FRAS1: variants seen among roughly 807,000 people sequenced by gnomAD.
The protein encoded by FRAS1 is Fraser extracellular matrix complex subunit 1.
A neutral mutation model predicts 435.2 loss-of-function variants in FRAS1; 290 were observed. The observed-to-expected ratio is 0.67, with a 90% confidence interval of 0.61 to 0.73. The LOEUF is 0.73. Ranked by LOEUF, FRAS1 falls within the 30% of genes least tolerant of loss-of-function variation. The pLI is 0.00. For missense variants in FRAS1, 4,860 were observed against 5,001.5 expected (o/e 0.97, Z 0.85); for synonymous variants, 1,800 against 1,851.0 (o/e 0.97, Z 0.71).
chr4:78,519,839 A>T (rs1372211437), intron 67 of FRAS1, among the ~76,000 whole-genome samples: 1 of 152,196 alleles, frequency 6.6e-6, no homozygotes, highest in African/African-American at 2.4e-5. Context: ...TTTACAGAGC[A>T]AAAGGATCTT....
At chr4:78,430,599 C>T (rs1057165620) in intron 37 of FRAS1, among the ~76,000 whole-genome samples, 182 bp downstream of exon 37, 2 of 152,076 alleles carry the variant, frequency 1.3e-5, no homozygotes, top group Non-Finnish European at 2.9e-5. Flanking sequence ...CACTTCCATC[C>T]CTGCCCCACA....
chr4:78,432,481 G>T lies in FRAS1; in HGVS notation c.5094G>T (p.Glu1698Asp), dbSNP rs1734255162. 2 of 1,613,364 alleles carry T rather than the reference G, an allele frequency of 1.2e-6. No homozygotes were observed. Among genetic ancestry groups the T allele is most frequent in the Non-Finnish European group, 1.7e-6 (2 of 1,179,622 alleles). The change falls in exon 38 of 74, where the codon GAG (glutamate) becomes GAT (aspartate). Residue 1698 changes from glutamate to aspartate, a missense_variant. Transcript: ENST00000512123. ...VTDGLTVTMLEVRVEVSLSED... is the reference protein window; with the variant it reads ...VTDGLTVTMLDVRVEVSLSED... ...ATGGCCTCACAGTGACAATGCTGGA[G>T]GTGAGAGTAGAGGTGTCCCTGTCAG...
chr4:78,293,869 C>T (rs904538905), intron 14 of FRAS1, among the ~76,000 whole-genome samples: 1 of 152,204 alleles, frequency 6.6e-6, no homozygotes, highest in Non-Finnish European at 1.5e-5. Flanking sequence ...CACTTCTAGA[C>T]CCTTGCTGTG....
At chr4:78,161,742 C>CAAAAAAAAAAAAAAAAAAAAAAAAA (rs71214399) in intron 2 of FRAS1, among the ~76,000 whole-genome samples, 2 of 24,878 alleles carry the variant, frequency 8.0e-5, no homozygotes, top group African/African-American at 2.0e-4. Flanking sequence ...AACTCTGTCT[C>CAAAAAAAAAAAAAAAAAAAAAAAAA]AAAAAAAAAA....
chr4:78,258,276 G>A (rs1725886079), intron 6 of FRAS1, among the ~76,000 whole-genome samples: 1 of 151,694 alleles, frequency 6.6e-6, no homozygotes, highest in Admixed American at 6.6e-5. Context: ...GGGAGGTTGA[G>A]GCTGCAGTGA....
At chr4:78,324,257 G>C (rs6820805) in intron 18 of FRAS1, among the ~76,000 whole-genome samples, 43,119 of 151,952 alleles carry the variant, frequency 0.28, 6,552 homozygotes, top group Non-Finnish European at 0.33. Context: ...GCTTTAGCAA[G>C]TTTTAAAAAA....
intron 5 of FRAS1, among the ~76,000 whole-genome samples, chr4:78,254,545 A>G (rs1725697920): frequency 6.6e-6 from 1 of 152,150 alleles, no homozygotes; most frequent in South Asian, 2.1e-4. Flanking sequence ...TTGGAACAAC[A>G]GAGTTGGGGG....
chr4:78,409,439 G>A (rs753979283), intron 31 of FRAS1, among the ~76,000 whole-genome samples: 1 of 152,024 alleles, frequency 6.6e-6, no homozygotes, highest in African/African-American at 2.4e-5. Context: ...ATTAAAATAC[G>A]TGGACAAAAT....
At chr4:78,311,947 T>C (rs1729042436) in intron 15 of FRAS1, among the ~76,000 whole-genome samples, 1 of 152,116 alleles carries the variant, frequency 6.6e-6, no homozygotes, top group Non-Finnish European at 1.5e-5. Context: ...TTGTATGTTA[T>C]AGATAGTAGC....
At chr4:78,529,386 A>ATCTACCACC (rs1409415148) in intron 70 of FRAS1, among the ~76,000 whole-genome samples, 2 of 152,174 alleles carry the variant, frequency 1.3e-5, no homozygotes, top group Non-Finnish European at 2.9e-5. Context: ...CATATAGCAG[A>ATCTACCACC]TCTACCACCC....
chr4:78,505,522 C>G (rs1198902866), intron 61 of FRAS1, among the ~76,000 whole-genome samples: 1 of 152,018 alleles, frequency 6.6e-6, no homozygotes, highest in Non-Finnish European at 1.5e-5. Context: ...ATTGAATTGC[C>G]TATTGAAGCT....
intron 6 of FRAS1, among the ~76,000 whole-genome samples, chr4:78,256,094 A>G (rs563554884): frequency 1.8e-4 from 27 of 152,340 alleles, no homozygotes; most frequent in Non-Finnish European, 3.4e-4. Flanking sequence ...CTGGAAGCCA[A>G]CATTCAGTTG....
intron 1 of FRAS1, among the ~76,000 whole-genome samples, chr4:78,063,929 C>CT (rs1289714068): frequency 6.6e-6 from 1 of 151,826 alleles, no homozygotes; most frequent in African/African-American, 2.4e-5. Context: ...TCTAAATTTT[C>CT]TAAACACCAG....
At chr4:78,283,213 T>G (rs2110181905) in intron 12 of FRAS1, among the ~76,000 whole-genome samples, 1 of 152,378 alleles carries the variant, frequency 6.6e-6, no homozygotes, top group Admixed American at 6.5e-5. Context: ...CTTAATTTTC[T>G]TGTTGATAAA....
rs544834935 is a variant in FRAS1 at position 78,412,906 on chromosome 4, C to T, written c.4309-63C>T. ...AGCTGGCTTAAAAGAGGGAAAAACC[C>T]ACGTACTAACATGCTCTGCTCAATA... On this transcript the variant is annotated intron_variant, in intron 31 of 73. Transcript: ENST00000512123. 11 of 936,232 alleles carry T rather than the reference C, an allele frequency of 1.2e-5. No individual in the cohort carries two copies. The South Asian group carries it at 2.1e-4, about 18-fold the overall frequency. 58.0% of individuals were successfully genotyped at this position (936,232 alleles called of 1,614,324 possible).
At chr4:78,129,538 G>C (rs946370146) in intron 2 of FRAS1, among the ~76,000 whole-genome samples, 7 of 136,474 alleles carry the variant, frequency 5.1e-5, no homozygotes, top group Admixed American at 4.9e-4. Context: ...CACATGCACA[G>C]AACAGGGTAG....
At chr4:78,417,528 C>T (rs1733599691) in intron 32 of FRAS1, among the ~76,000 whole-genome samples, 1 of 152,146 alleles carries the variant, frequency 6.6e-6, no homozygotes, top group Non-Finnish European at 1.5e-5. Context: ...GTTGTCCTTA[C>T]TTGTTTTATA....
At chr4:78,113,998 T>G (rs1300386280) in intron 2 of FRAS1, among the ~76,000 whole-genome samples, 1 of 152,216 alleles carries the variant, frequency 6.6e-6, no homozygotes, top group African/African-American at 2.4e-5. Context: ...CTTGAATTAA[T>G]TTTTGTATAA....
In FRAS1 at chr4:78,400,776, G is replaced by A; in HGVS notation, c.4018G>A (p.Val1340Ile). Reference sequence around the variant, plus strand: ...GCTTGTGGCTAATTCGATGGTGTGGGTTCCAGAAGGGGGGATGCTGCAGAT... The same window carrying A: ...GCTTGTGGCTAATTCGATGGTGTGGATTCCAGAAGGGGGGATGCTGCAGAT... ...LQLVANSMVW[V>I]PEGGMLQITN... Residue 1340 changes from valine to isoleucine, a missense_variant, in exon 30 of 74, where the codon GTT (valine) becomes ATT (isoleucine). Transcript: ENST00000512123. 6.2e-7 allele frequency: 1 copy of A among 1,613,460 alleles called. No individual in the cohort carries two copies. Among genetic ancestry groups the A allele is most frequent in the Non-Finnish European group, 8.5e-7 (1 of 1,179,654 alleles).
Sources: allele counts gnomAD v4.1 joint callset (sites outside exome capture counted in the v4.1 genomes callset), GRCh38; gene constraint gnomAD v4.1.1; transcripts MANE v1.5; gene names NCBI Gene and HGNC (gene_info 2026-07-23, HGNC 2026-07-21).